Variants in ZNF346 observed in about 807,000 individuals in gnomAD.
ZNF346 encodes zinc finger protein 346.
ZNF346 carries 23 observed loss-of-function variants against 33.7 expected under a neutral mutation model. The ratio of observed to expected loss-of-function variants is 0.68; its 90% CI spans 0.49 to 0.97. The LOEUF is 0.97. Among genes scored for constraint, ZNF346 ranks in the 50% least tolerant of loss-of-function variants. ZNF346 has a pLI of 0.00. For synonymous variants in ZNF346, 134 were observed against 142.4 expected (o/e 0.94, Z 0.42); for missense variants, 340 against 371.1 (o/e 0.92, Z 0.69).
At position 177,022,756 on chromosome 5, in the gene ZNF346, G is replaced by T; in HGVS notation, c.18G>T (p.Pro6=). 6.4e-7 allele frequency: 1 copy of T among 1,555,930 alleles called. No individual in the cohort carries two copies. The highest frequency in any genetic ancestry group is 1.9e-5 in the Admixed American group (1 of 52,148). The change falls in exon 1 of 7, where the codon CCG becomes CCT. Residue 6 remains proline, a synonymous_variant. Coordinates refer to ENST00000358149, the MANE Select transcript of ZNF346 (RefSeq NM_012279.4). MEYPA[P]ATVQAADGGA... ...CGGGGAAGATGGAGTATCCCGCGCC[G>T]GCCACGGTGCAGGCCGCGGACGGCG...
In ZNF346 at chr5:177,024,157, TAC is replaced by T. The variant is rs144403449; in HGVS notation, c.175+1265_175+1266del. Among the ~76,000 whole-genome samples, 114 of 121,352 alleles carry T rather than the reference TAC, an allele frequency of 9.4e-4. No individual in the cohort carries two copies. The East Asian group carries it at 0.014, about 15-fold the overall frequency. The allele number at this position is 121,352 out of a possible 152,430, so 79.6% of individuals were successfully genotyped here. On this transcript the variant is annotated intron_variant, in intron 1 of 6. Coordinates refer to ENST00000358149, the MANE Select transcript of ZNF346 (RefSeq NM_012279.4). ...TATACACTTGTAAGTATTTTATGTATACACACACACACACACACACACTATTT... is the reference window on the plus strand; with the variant it reads ...TATACACTTGTAAGTATTTTATGTATACACACACACACACACACACTATTT...
chr5:177,034,490 G>C (rs1025665045), intron 1 of ZNF346, among the ~76,000 whole-genome samples: 2 of 152,068 alleles, frequency 1.3e-5, no homozygotes, highest in Non-Finnish European at 2.9e-5. Flanking sequence ...GCCTCCCAAA[G>C]TGCTGGGATT....
chr5:177,049,839 A>G (rs1434323021), intron 4 of ZNF346, among the ~76,000 whole-genome samples: 1 of 151,652 alleles, frequency 6.6e-6, no homozygotes, highest in Non-Finnish European at 1.5e-5. Flanking sequence ...ACACATCACT[A>G]ATTTTTTTTT....
chr5:177,051,006 C>T (rs1017532794), intron 5 of ZNF346, 70 bp downstream of exon 5: 11 of 1,264,578 alleles, frequency 8.7e-6, no homozygotes, highest in African/African-American at 4.4e-5. Context: ...GACCAGCTGA[C>T]GTTGTGCTTT....
chr5:177,070,472 C>T (rs1214835313), downstream of ZNF346, among the ~76,000 whole-genome samples: 2 of 151,828 alleles, frequency 1.3e-5, no homozygotes, highest in African/African-American at 2.4e-5. Flanking sequence ...GGCAGTCTAG[C>T]GTAGTGGCGA....
downstream of ZNF346, among the ~76,000 whole-genome samples, chr5:177,071,231 TAG>T (rs1034485218): frequency 1.3e-5 from 2 of 152,050 alleles, no homozygotes; most frequent in Non-Finnish European, 2.9e-5. Flanking sequence ...AATGAACAGG[TAG>T]AGTTTCCTCC....
intron 4 of ZNF346, among the ~76,000 whole-genome samples, chr5:177,046,603 T>C (rs1347410132): frequency 6.6e-6 from 1 of 152,194 alleles, no homozygotes; most frequent in Non-Finnish European, 1.5e-5. Context: ...AATATAATCA[T>C]GTTGTAAGAG....
At chr5:177,036,613 A>C (rs568052206) in intron 1 of ZNF346, among the ~76,000 whole-genome samples, 1 of 152,242 alleles carries the variant, frequency 6.6e-6, no homozygotes, top group African/African-American at 2.4e-5. Flanking sequence ...CCGCTGTCAC[A>C]CAGTCTCAGC....
intron 6 of ZNF346, 95 bp downstream of exon 6, chr5:177,062,246 T>C (rs1280148521): frequency 1.0e-6 from 1 of 975,450 alleles, no homozygotes; most frequent in Non-Finnish European, 1.6e-6. Flanking sequence ...TGAAATGGAA[T>C]CCTGGCAGTC....
intron 1 of ZNF346, among the ~76,000 whole-genome samples, chr5:177,034,240 G>A (rs909745563): frequency 6.7e-6 from 1 of 148,414 alleles, no homozygotes; most frequent in Non-Finnish European, 1.5e-5. Context: ...AGGTCTTGCA[G>A]TGTCACCCAG....
downstream of ZNF346, among the ~76,000 whole-genome samples, chr5:177,072,182 G>A (rs57063519): frequency 1.4e-3 from 207 of 152,298 alleles, 4 homozygotes; most frequent in East Asian, 0.034. Flanking sequence ...AGAAAGTCAG[G>A]GACAAAGTCT....
chr5:177,040,277 A>G (rs1234629432), intron 1 of ZNF346, among the ~76,000 whole-genome samples: 1 of 152,150 alleles, frequency 6.6e-6, no homozygotes, highest in Non-Finnish European at 1.5e-5. Context: ...TCCAGGCACA[A>G]TAATTTAAGC....
rs77448653 is a variant in ZNF346, at chr5:177,031,880, G to C, written c.175+8967G>C. On this transcript the variant is annotated intron_variant, in intron 1 of 6. Transcript: ENST00000358149. ...TCTGCCATTTTGAACTTGCTGTTGA[G>C]CTCCTCCAGCAAATTTATTGTATTA... Among the ~76,000 whole-genome samples the C allele has an allele frequency of 5.3e-5, 8 of 151,636 alleles. No homozygotes were observed. The East Asian group carries it at 1.5e-3, about 29-fold the overall frequency.
At chr5:177,028,514 A>ATATATG (rs1426714604) in intron 1 of ZNF346, among the ~76,000 whole-genome samples, 2 of 136,606 alleles carry the variant, frequency 1.5e-5, no homozygotes, top group Non-Finnish European at 3.1e-5. Context: ...ATATATATAT[A>ATATATG]TATATATTTC....
In ZNF346 at chr5:177,063,742, G is replaced by A. The variant is rs534360103; in HGVS notation, c.798-770G>A. ...ACCCCATCTACAAAAAATAAAGTTA[G>A]CCAGGTGTGGCGGCACACACCTGTA... On this transcript the variant is annotated intron_variant, in intron 6 of 6. Coordinates refer to ENST00000358149, the MANE Select transcript of ZNF346 (RefSeq NM_012279.4). Among the ~76,000 whole-genome samples, 46 of 152,234 alleles carry A rather than the reference G, an allele frequency of 3.0e-4. 1 individual carries two copies. The highest frequency in any genetic ancestry group is 1.1e-3 in the African/African-American group (45 of 41,544).
At chr5:177,025,801 T>C (rs1776676376) in intron 1 of ZNF346, among the ~76,000 whole-genome samples, 1 of 152,148 alleles carries the variant, frequency 6.6e-6, no homozygotes, top group Non-Finnish European at 1.5e-5. Flanking sequence ...TTTCCAGGTA[T>C]TTCCCCCTGA....
In ZNF346 at chr5:177,044,521, A is replaced by G; in HGVS notation, c.505A>G (p.Thr169Ala). ...AKNLKLKQQS[T>A]KVEALHQNRE... ...GAACTTAAAGCTGAAGCAGCAGTCCACTAAGGTGGAAGGTACTGGTTTTCC... is the reference window on the plus strand; with the variant it reads ...GAACTTAAAGCTGAAGCAGCAGTCCGCTAAGGTGGAAGGTACTGGTTTTCC... Residue 169 changes from threonine to alanine, a missense_variant, in exon 4 of 7, where the codon ACT becomes GCT. Coordinates refer to ENST00000358149, the MANE Select transcript of ZNF346 (RefSeq NM_012279.4). 6.2e-7 allele frequency: 1 copy of G among 1,613,726 alleles called. No homozygotes were observed. The highest frequency in any genetic ancestry group is 8.5e-7 in the Non-Finnish European group (1 of 1,179,980).
intron 1 of ZNF346, among the ~76,000 whole-genome samples, chr5:177,032,904 A>G (rs952483094): frequency 6.6e-6 from 1 of 152,218 alleles, no homozygotes; most frequent in African/African-American, 2.4e-5. Flanking sequence ...AAATTAAATT[A>G]AAAACAAAAA....
At chr5:177,074,892 C>T (rs1462098133) in intron 8 of ZNF346, among the ~76,000 whole-genome samples, 1 of 151,442 alleles carries the variant, frequency 6.6e-6, no homozygotes, top group Non-Finnish European at 1.5e-5. Flanking sequence ...ACGGTGAAAC[C>T]CGTCTCTACT....
Sources: allele counts gnomAD v4.1 joint callset (sites outside exome capture counted in the v4.1 genomes callset), GRCh38; gene constraint gnomAD v4.1.1; transcripts MANE v1.5; gene names NCBI Gene and HGNC (gene_info 2026-07-23, HGNC 2026-07-21).